Variants in PPP6R3 observed in about 807,000 individuals in gnomAD.
The protein encoded by PPP6R3 is protein phosphatase 6 regulatory subunit 3.
PPP6R3 carries 38 observed loss-of-function variants against 110.7 expected under a neutral mutation model. The ratio of observed to expected loss-of-function variants is 0.34; its 90% CI spans 0.26 to 0.45. The LOEUF (loss-of-function observed/expected upper bound fraction) is 0.45. Ranked by LOEUF, PPP6R3 falls within the 20% of genes least tolerant of loss-of-function variation. The pLI is 1.00. For synonymous variants in PPP6R3, 369 were observed against 373.5 expected (o/e 0.99, Z 0.14); for missense variants, 870 against 1,062.4 (o/e 0.82, Z 2.52).
chr11:68,479,216 T>C (rs1322337327), intron 1 of PPP6R3, among the ~76,000 whole-genome samples: 1 of 152,214 alleles, frequency 6.6e-6, no homozygotes, highest in Non-Finnish European at 1.5e-5. Context: ...GGAGGGTAAC[T>C]AAGCAGCATA....
intron 7 of PPP6R3, chr11:68,558,347 AGGGT>A: frequency 3.2e-6 from 1 of 311,602 alleles, no homozygotes; most frequent in Non-Finnish European, 5.9e-6. Flanking sequence ...AAGAGATAGA[AGGGT>A]GAGTGAGTGA....
Position 68,577,023 on chromosome 11 carries a change from C to T in PPP6R3, c.1545+980C>T, listed in dbSNP as rs143753962. ...TCCTGACAGAGTCACACTTTTTAAG[C>T]GGGGAATAATGATAGAATTAGGAAG... On this transcript the variant is annotated intron_variant, in intron 14 of 23. Coordinates refer to ENST00000393800, the MANE Select transcript of PPP6R3 (RefSeq NM_001164161.2). 6.8e-4 allele frequency among the ~76,000 whole-genome samples: 103 copies of T among 152,094 alleles called. 1 individual carries two copies. The East Asian group carries it at 0.019, about 27-fold the overall frequency.
At chr11:68,541,721 G>A (rs2099316623) in intron 3 of PPP6R3, among the ~76,000 whole-genome samples, 1 of 152,152 alleles carries the variant, frequency 6.6e-6, no homozygotes, top group African/African-American at 2.4e-5. Flanking sequence ...GAGATGGGTA[G>A]TGTGGGCTGG....
intron 2 of PPP6R3, 128 bp from the exon 3 acceptor site, chr11:68,537,531 G>T (rs2099277171): frequency 7.9e-6 from 5 of 630,414 alleles, no homozygotes; most frequent in Non-Finnish European, 1.4e-5. Context: ...TAGGTTCAGT[G>T]TGAAGCTTAT....
At chr11:68,516,492 A>G (rs1445746409) in intron 1 of PPP6R3, among the ~76,000 whole-genome samples, 1 of 152,236 alleles carries the variant, frequency 6.6e-6, no homozygotes, top group East Asian at 1.9e-4. Context: ...ATATGCAGAT[A>G]TTTAAAAATG....
intron 11 of PPP6R3, 101 bp from the exon 12 acceptor site, chr11:68,570,939 G>A: frequency 7.1e-7 from 1 of 1,401,038 alleles, no homozygotes; most frequent in Non-Finnish European, 9.5e-7. Flanking sequence ...TAGCTTGCTA[G>A]ATTATGCATA....
chr11:68,575,894 A>C, intron 13 of PPP6R3, 64 bp from the exon 14 acceptor site: 3 of 1,235,256 alleles, frequency 2.4e-6, no homozygotes, highest in Non-Finnish European at 3.5e-6. Flanking sequence ...TTACCTGCTT[A>C]CTTTATTTGT....
chr11:68,543,200 G>T (rs1016158045), intron 3 of PPP6R3, among the ~76,000 whole-genome samples: 20 of 152,124 alleles, frequency 1.3e-4, no homozygotes, highest in Non-Finnish European at 1.9e-4. Flanking sequence ...CTTGTCCAAG[G>T]TTATACAGCA....
chr11:68,499,089 A>T (rs1175234792), intron 1 of PPP6R3, among the ~76,000 whole-genome samples: 1 of 151,970 alleles, frequency 6.6e-6, no homozygotes, highest in Non-Finnish European at 1.5e-5. Flanking sequence ...TTTATGAAAC[A>T]TATGTTTAAG....
chr11:68,518,513 T>G (rs2099148065), intron 1 of PPP6R3, among the ~76,000 whole-genome samples: 2 of 152,236 alleles, frequency 1.3e-5, no homozygotes, highest in African/African-American at 4.8e-5. Context: ...ACAGGACCTT[T>G]CTGTTTTGTC....
intron 6 of PPP6R3, among the ~76,000 whole-genome samples, chr11:68,551,945 G>T (rs866631005): frequency 6.6e-6 from 1 of 152,188 alleles, no homozygotes; most frequent in East Asian, 1.9e-4. Context: ...TGGCTGTTAA[G>T]CTCTGACAGG....
chr11:68,529,008 G>A (rs917202631), intron 2 of PPP6R3, among the ~76,000 whole-genome samples: 1 of 152,192 alleles, frequency 6.6e-6, no homozygotes, highest in Non-Finnish European at 1.5e-5. Context: ...GTGTAAACAC[G>A]TCTGCCGCTT....
At chr11:68,514,041 C>T (rs957457164) in intron 1 of PPP6R3, among the ~76,000 whole-genome samples, 1 of 152,144 alleles carries the variant, frequency 6.6e-6, no homozygotes, top group Non-Finnish European at 1.5e-5. Flanking sequence ...AATTACCACC[C>T]GTAGTTATAC....
rs2153826065 is a variant in PPP6R3 at position 68,583,116 on chromosome 11, C to A, written c.1619C>A (p.Ser540Tyr). The stretch of plus-strand genomic sequence containing the variant: ...AAAGAAACGGGTTTCTCACAGGATT[C>A]TTCTTTGCAGCAAGTGAGTCACGCC... The part of the protein sequence containing the change: ...DFKETGFSQD[S>Y]SLQQAFSDYQ... The change falls in exon 15 of 24, where the codon TCT becomes TAT. Residue 540 changes from serine to tyrosine, a missense_variant. By Grantham distance (144) the Ser-to-Tyr change is moderately radical. Coordinates refer to ENST00000393800, the MANE Select transcript of PPP6R3 (RefSeq NM_001164161.2). The A allele has an allele frequency of 6.5e-7, 1 of 1,542,598 alleles. No individual in the cohort carries two copies. Among genetic ancestry groups the A allele is most frequent in the African/African-American group, 1.4e-5 (1 of 72,836 alleles).
At chr11:68,537,922 G>A (rs1178130639) in intron 3 of PPP6R3, 31 bp downstream of exon 3, 2 of 1,500,202 alleles carry the variant, frequency 1.3e-6, no homozygotes, top group Admixed American at 1.8e-5. Flanking sequence ...CTGTAGAGTG[G>A]GACTAAAGTG....
chr11:68,511,881 A>G (rs1015339805), intron 1 of PPP6R3, among the ~76,000 whole-genome samples: 1 of 151,972 alleles, frequency 6.6e-6, no homozygotes, highest in Non-Finnish European at 1.5e-5. Context: ...CCTCATCTTT[A>G]TCCTTTTGAA....
At chr11:68,533,283 G>A (rs1441916476) in intron 2 of PPP6R3, among the ~76,000 whole-genome samples, 1 of 152,140 alleles carries the variant, frequency 6.6e-6, no homozygotes, top group Non-Finnish European at 1.5e-5. Context: ...TAATTTTTGT[G>A]TAAGGAATTA....
In PPP6R3 at chr11:68,579,423, T is replaced by C. The variant is rs115220083; in HGVS notation, c.1545+3380T>C. On this transcript the variant is annotated intron_variant, in intron 14 of 23. Coordinates refer to ENST00000393800, the MANE Select transcript of PPP6R3 (RefSeq NM_001164161.2). ...ATAATATCTCCGAAACTGTGTGCAC[T>C]ACAACAAGAGTGCACTTTACTTACG... is the stretch of plus-strand genomic sequence containing the variant. Among the ~76,000 whole-genome samples the C allele has an allele frequency of 7.9e-3, 1,198 of 152,362 alleles. 18 individuals are homozygous for C. Among genetic ancestry groups the C allele is most frequent in the African/African-American group, 0.027 (1,134 of 41,586 alleles).
intron 22 of PPP6R3, among the ~76,000 whole-genome samples, chr11:68,604,184 T>C (rs571521268): frequency 8.5e-5 from 13 of 152,344 alleles, no homozygotes; most frequent in Admixed American, 6.5e-4. Context: ...ATTTCATACA[T>C]GAGCAATTAT....
Sources: gnomAD v4.1 joint callset for allele counts (sites outside exome capture counted in the v4.1 genomes callset) on GRCh38, gnomAD v4.1.1 for gene constraint, MANE v1.5 for transcripts, NCBI Gene and HGNC (gene_info 2026-07-23, HGNC 2026-07-21) for gene names.